GRID2: variants seen among roughly 807,000 people sequenced by gnomAD.
GRID2 encodes the protein glutamate receptor ionotropic, delta-2.
GRID2 carries 33 observed loss-of-function variants against 114.8 expected under a neutral mutation model. The ratio of observed to expected loss-of-function variants is 0.29; its 90% confidence interval spans 0.22 to 0.38. The LOEUF (loss-of-function observed/expected upper bound fraction) is 0.38, where lower values mean the gene tolerates loss of function less well. GRID2 is among the 10% of genes least tolerant of loss of function. The probability of loss-of-function intolerance (pLI) is 1.00; values close to 1 mark genes in which losing one functional copy is unlikely to be tolerated. For synonymous variants in GRID2, 505 were observed against 449.9 expected (o/e 1.12, Z -1.55); for missense variants, 1,184 against 1,257.7 (o/e 0.94, Z 0.89).
At chr4:93,797,327 T>C (rs1017941376) in intron 1 of GRID2, among the ~76,000 whole-genome samples, 2 of 152,196 alleles carry the variant, frequency 1.3e-5, no homozygotes, top group Admixed American at 1.3e-4. Context: ...ATAAAACTTC[T>C]TTTTCTAGAA....
chr4:92,322,552 A>C (rs929787750), intron 1 of GRID2, among the ~76,000 whole-genome samples: 1 of 152,108 alleles, frequency 6.6e-6, no homozygotes. Context: ...TATACCTACT[A>C]TATACCCACA....
chr4:93,273,925 C>T (rs2149573902), intron 8 of GRID2, among the ~76,000 whole-genome samples: 1 of 152,238 alleles, frequency 6.6e-6, no homozygotes, highest in Non-Finnish European at 1.5e-5. Context: ...TGATTTTAGC[C>T]TGGTGAGACA....
intron 13 of GRID2, among the ~76,000 whole-genome samples, chr4:93,545,337 T>G (rs1199829661): frequency 6.6e-6 from 1 of 152,188 alleles, no homozygotes; most frequent in Non-Finnish European, 1.5e-5. Context: ...GACGTTGTAC[T>G]GCTGAATTGG....
At chr4:92,866,755 G>A (rs1457294718) in intron 2 of GRID2, among the ~76,000 whole-genome samples, 5 of 151,006 alleles carry the variant, frequency 3.3e-5, no homozygotes, top group Non-Finnish European at 7.4e-5. Context: ...TTTTCACCGT[G>A]TTAGCCAGGA....
rs551685824 is a variant in GRID2, at chr4:92,705,463, C to T, written c.244+115177C>T. On this transcript the variant is annotated intron_variant, in intron 2 of 15. Transcript: ENST00000282020. The stretch of plus-strand genomic sequence containing the variant: ...AACATATTCAGGCAGAAAAAGTTAC[C>T]TTTTGACACTCTGGGGCATACTCCC... Among the ~76,000 whole-genome samples the T allele has an allele frequency of 2.6e-5, 4 of 152,202 alleles. No individual in the cohort carries two copies. In the South Asian group the frequency reaches 8.3e-4, roughly 32 times the overall value.
intron 2 of GRID2, among the ~76,000 whole-genome samples, chr4:92,695,521 G>A (rs1242600612): frequency 6.6e-6 from 1 of 151,862 alleles, no homozygotes; most frequent in Admixed American, 6.6e-5. Context: ...ACTGTAAAGA[G>A]TTCCAAAATT....
chr4:93,453,987 G>T (rs1722953950), intron 10 of GRID2, among the ~76,000 whole-genome samples: 1 of 151,980 alleles, frequency 6.6e-6, no homozygotes, highest in Non-Finnish European at 1.5e-5. Flanking sequence ...CTAAAGCTCA[G>T]AAAAGACGGG....
chr4:92,717,559 T>C (rs1004535327), intron 2 of GRID2, among the ~76,000 whole-genome samples: 4 of 152,198 alleles, frequency 2.6e-5, no homozygotes, highest in African/African-American at 9.7e-5. Context: ...TCAGTTAATA[T>C]ATGTTAAAGT....
chr4:92,605,105 C>G (rs901813782), intron 2 of GRID2, among the ~76,000 whole-genome samples: 4 of 152,052 alleles, frequency 2.6e-5, no homozygotes, highest in African/African-American at 4.8e-5. Flanking sequence ...TGAAGCCTTT[C>G]CCAGCCATGC....
At chr4:93,244,335 G>A (rs990612811) in intron 8 of GRID2, among the ~76,000 whole-genome samples, 1 of 151,580 alleles carries the variant, frequency 6.6e-6, no homozygotes, top group Admixed American at 6.6e-5. Flanking sequence ...TAAAATGTAC[G>A]TCAGAGATAT....
At chr4:93,078,657 G>T (rs1313746912) in intron 2 of GRID2, among the ~76,000 whole-genome samples, 1 of 145,422 alleles carries the variant, frequency 6.9e-6, no homozygotes, top group Admixed American at 7.0e-5. Context: ...AATTATATTA[G>T]TAAATATCTG....
intron 2 of GRID2, among the ~76,000 whole-genome samples, chr4:92,981,887 C>T (rs1230823607): frequency 6.6e-6 from 1 of 151,802 alleles, no homozygotes; most frequent in Non-Finnish European, 1.5e-5. Flanking sequence ...AGATCAACAA[C>T]TGTAAATGAT....
chr4:92,944,134 C>A (rs1024938162), intron 2 of GRID2, among the ~76,000 whole-genome samples: 4 of 152,190 alleles, frequency 2.6e-5, no homozygotes, highest in Admixed American at 6.5e-5. Context: ...TTTAAGTCTG[C>A]AGAGTTTTCT....
chr4:92,469,222 C>T (rs1334668621), intron 1 of GRID2, among the ~76,000 whole-genome samples: 3 of 152,030 alleles, frequency 2.0e-5, no homozygotes, highest in Admixed American at 6.6e-5. Context: ...GTGTCAAGTG[C>T]TTTTATATTC....
intron 1 of GRID2, among the ~76,000 whole-genome samples, chr4:92,447,609 C>T (rs190889370): frequency 1.3e-5 from 2 of 152,316 alleles, no homozygotes; most frequent in South Asian, 2.1e-4. Context: ...ATATCATAAA[C>T]TCGATAGCTT....
chr4:93,765,151 G>A (rs1340336218), intron 14 of GRID2, among the ~76,000 whole-genome samples: 1 of 152,030 alleles, frequency 6.6e-6, no homozygotes. Flanking sequence ...TCTTTAAATT[G>A]GGTTTTTGTT....
At chr4:93,392,494 T>C (rs751041947) in intron 8 of GRID2, among the ~76,000 whole-genome samples, 7 of 152,152 alleles carry the variant, frequency 4.6e-5, no homozygotes, top group Non-Finnish European at 8.8e-5. Context: ...CTCATTTTCA[T>C]TGCTTATTAT....
intron 1 of GRID2, among the ~76,000 whole-genome samples, chr4:92,439,415 C>T (rs1320293814): frequency 6.6e-6 from 1 of 151,998 alleles, no homozygotes; most frequent in Non-Finnish European, 1.5e-5. Flanking sequence ...TTCCCGCCTT[C>T]TTATATTAAT....
At chr4:92,713,543 GT>G (rs201753508) in intron 2 of GRID2, among the ~76,000 whole-genome samples, 2,163 of 115,448 alleles carry the variant, frequency 0.019, 89 homozygotes, top group African/African-American at 0.068. Flanking sequence ...CTTGGATAGT[GT>G]TTTCATGCTG....
Sources: gnomAD v4.1 joint callset for allele counts (sites outside exome capture counted in the v4.1 genomes callset) on GRCh38, gnomAD v4.1.1 for gene constraint, MANE v1.5 for transcripts, NCBI Gene and HGNC (gene_info 2026-07-23, HGNC 2026-07-21) for gene names.